Variants in LUZP1 observed in about 807,000 individuals in gnomAD.
The protein encoded by LUZP1 is leucine zipper protein 1.
In LUZP1, 25 loss-of-function variants were observed where a neutral mutation model predicts 71.3. That is an observed-to-expected ratio of 0.35 (90% CI 0.26 to 0.49). LUZP1 has a LOEUF of 0.49. LUZP1 is among the 20% of genes least tolerant of loss of function. The pLI is 0.99. For missense variants in LUZP1, 1,142 were observed against 1,300.8 expected (o/e 0.88, Z 1.88); for synonymous variants, 481 against 506.4 (o/e 0.95, Z 0.67).
chr1:23,093,386 G>C lies in LUZP1; in HGVS notation c.876C>G (p.Asn292Lys). The C allele has an allele frequency of 6.2e-7, 1 of 1,613,762 alleles. No homozygotes were observed. Among genetic ancestry groups the C allele is most frequent in the South Asian group, 1.1e-5 (1 of 90,964 alleles). ...GTGTCTTAAGTTTCTCAATCTCTTG[G>C]TTAAGGTCTTTGACTTTGTTGTCTT... is the stretch of plus-strand genomic sequence containing the variant. The change falls in exon 4 of 5, where the codon AAC becomes AAG. Residue 292 changes from asparagine to lysine, a missense_variant. Asn to Lys is a moderately conservative substitution (Grantham distance 94, BLOSUM62 0). Coordinates refer to ENST00000302291, the Ensembl canonical transcript of LUZP1. The surrounding 1 kb of genome is among the most constrained non-coding windows in gnomAD (Gnocchi z 4.2).
intron 2 of LUZP1, among the ~76,000 whole-genome samples, chr1:23,139,019 A>AAAAAAAAAATATATAT (rs1317355746): frequency 1.7e-5 from 1 of 59,962 alleles, no homozygotes; most frequent in Non-Finnish European, 2.7e-5. Context: ...AAAAAAAAAA[A>AAAAAAAAAATATATAT]ATATATATAT....
At chr1:23,153,674 T>C (rs1374894381) in intron 2 of LUZP1, among the ~76,000 whole-genome samples, 1 of 152,234 alleles carries the variant, frequency 6.6e-6, no homozygotes, top group East Asian at 1.9e-4. Context: ...TTTGTTTTGT[T>C]TTGTTTTGTT....
chr1:23,099,334 T>C (rs373535758), intron 3 of LUZP1, among the ~76,000 whole-genome samples: 22 of 152,176 alleles, frequency 1.4e-4, no homozygotes, highest in South Asian at 6.2e-4. Flanking sequence ...ATCGTAGTCA[T>C]TGGAAGACAA....
rs370104039 is a variant in LUZP1 at position 23,147,500 on chromosome 1, G to T, written c.-226+21266C>A. 2.7e-5 allele frequency among the ~76,000 whole-genome samples: 4 copies of T among 150,380 alleles called. No individual in the cohort carries two copies. In the South Asian group the frequency reaches 8.4e-4, roughly 32 times the overall value. On this transcript the variant is annotated intron_variant, in intron 2 of 4. Coordinates refer to ENST00000302291, the Ensembl canonical transcript of LUZP1. ...CTTTAAGAAAGTTGGCCAAAGCCAG[G>T]TGCTCACACCTGTAAACCAAGCAAG...
rs115291781 is a variant in LUZP1, at chr1:23,116,600, A to G, written c.-225-7473T>C. On this transcript the variant is annotated intron_variant, in intron 2 of 4. Transcript: ENST00000302291. ...CTGGACTGTTAAAAAAAAAAAAGGC[A>G]AAGAGAAGAAAAAAGAGAAAAGAAA... 4.7e-3 allele frequency among the ~76,000 whole-genome samples: 712 copies of G among 151,524 alleles called. 1 individual carries two copies. Among genetic ancestry groups the G allele is most frequent in the Non-Finnish European group, 7.5e-3 (507 of 67,950 alleles).
rs1468414898 is a variant in LUZP1 at position 23,093,867 on chromosome 1, T to C, written c.395A>G (p.Asn132Ser). 6.2e-7 allele frequency: 1 copy of C among 1,614,134 alleles called. No homozygotes were observed. The highest frequency in any genetic ancestry group is 1.1e-5 in the South Asian group (1 of 91,074). The change falls in exon 4 of 5, where the codon AAT (asparagine) becomes AGT (serine). Residue 132 changes from asparagine to serine, a missense_variant. Physicochemically the swap from Asn to Ser is conservative, Grantham distance 46. Transcript: ENST00000302291. This position sits in a 1 kb window ranked among gnomAD's most constrained non-coding sequence, Gnocchi z 4.2. ...GCTCAGACACAGCTGGGTACAGTCATTCTTACTCCTGCTGAAGGCCTCTTC... is the reference window on the plus strand; with the variant it reads ...GCTCAGACACAGCTGGGTACAGTCACTCTTACTCCTGCTGAAGGCCTCTTC...
At chr1:23,173,293 T>C (rs928176120) in intron 1 of LUZP1, among the ~76,000 whole-genome samples, 1 of 113,264 alleles carries the variant, frequency 8.8e-6, no homozygotes, top group African/African-American at 3.9e-5. Flanking sequence ...CTAGAGAACC[T>C]TCAGTTTTTT....
chr1:23,104,310 G>A (rs1290987198), intron 3 of LUZP1, among the ~76,000 whole-genome samples: 3 of 151,526 alleles, frequency 2.0e-5, no homozygotes, highest in Non-Finnish European at 2.9e-5. Flanking sequence ...TCAGCCTCCC[G>A]AGTAGCTGGG....
At chr1:23,132,016 A>T (rs749568035) in intron 2 of LUZP1, among the ~76,000 whole-genome samples, 1 of 152,068 alleles carries the variant, frequency 6.6e-6, no homozygotes, top group Non-Finnish European at 1.5e-5. Flanking sequence ...TTTTATTTTC[A>T]TGGAGACAGA....
intron 3 of LUZP1, among the ~76,000 whole-genome samples, chr1:23,103,904 GGGGA>G (rs1557641438): frequency 5.9e-5 from 2 of 33,810 alleles, no homozygotes; most frequent in African/African-American, 1.2e-4. Context: ...GGGAGGGAGG[GGGGA>G]AGGAGGGAGG....
At chr1:23,167,616 TC>T (rs1644520176) in intron 2 of LUZP1, among the ~76,000 whole-genome samples, 4 of 152,002 alleles carry the variant, frequency 2.6e-5, no homozygotes. Context: ...CACAACAAGC[TC>T]TGCAGTGTTA....
chr1:23,123,416 C>T (rs888713583), intron 2 of LUZP1, among the ~76,000 whole-genome samples: 4 of 150,104 alleles, frequency 2.7e-5, no homozygotes, highest in South Asian at 2.1e-4. Flanking sequence ...CACTTGAACC[C>T]GGGAGGCGGA....
chr1:23,084,358 C>T (rs1431166366), exon 5 of LUZP1: 3 of 152,130 alleles, frequency 2.0e-5, no homozygotes, highest in Non-Finnish European at 4.4e-5. Context: ...TTCCTCCATC[C>T]TCAGAGCACA....
At position 23,175,365 on chromosome 1, in the gene LUZP1, G is replaced by A. The variant is rs549476529; in HGVS notation, c.-485+2126C>T. 5.3e-5 allele frequency among the ~76,000 whole-genome samples: 8 copies of A among 152,296 alleles called. No individual in the cohort carries two copies. In the South Asian group the frequency reaches 1.7e-3, roughly 32 times the overall value. On this transcript the variant is annotated intron_variant, in intron 1 of 4. Coordinates refer to ENST00000302291, the Ensembl canonical transcript of LUZP1. ...TACCCACCTATTTCATGTAAGCTAAGTGCTTTGTAAATCGTAACACATAAT... is the reference window on the plus strand; with the variant it reads ...TACCCACCTATTTCATGTAAGCTAAATGCTTTGTAAATCGTAACACATAAT...
At chr1:23,174,989 A>C (rs193245515) in intron 1 of LUZP1, among the ~76,000 whole-genome samples, 7 of 152,268 alleles carry the variant, frequency 4.6e-5, no homozygotes, top group Non-Finnish European at 1.0e-4. Flanking sequence ...CTTTATTCTG[A>C]ACCAAGAATC....
exon 4 of LUZP1, chr1:23,092,860 T>C (rs547460294): frequency 6.2e-7 from 1 of 1,613,878 alleles, no homozygotes; most frequent in South Asian, 1.1e-5. Context: ...GGCTGCTCCC[T>C]AGACTTCTTC....
chr1:23,150,655 C>T (rs1644376529), intron 2 of LUZP1, among the ~76,000 whole-genome samples: 1 of 152,034 alleles, frequency 6.6e-6, no homozygotes, highest in African/African-American at 2.4e-5. Flanking sequence ...TAACTTTTTA[C>T]CAACAGTGAA....
At chr1:23,158,596 G>A (rs1008049360) in intron 2 of LUZP1, among the ~76,000 whole-genome samples, 2 of 141,852 alleles carry the variant, frequency 1.4e-5, no homozygotes, top group East Asian at 2.1e-4. Flanking sequence ...GCAGTGAGCC[G>A]AGATCGTGCC....
chr1:23,142,700 TAC>T (rs60316911), intron 2 of LUZP1, among the ~76,000 whole-genome samples: 13,416 of 103,204 alleles, frequency 0.13, 773 homozygotes, highest in East Asian at 0.19. Context: ...TATATATATA[TAC>T]ACACACACAC....
Sources: allele counts gnomAD v4.1 joint callset (sites outside exome capture counted in the v4.1 genomes callset), GRCh38; gene constraint gnomAD v4.1.1; non-coding constraint Gnocchi (gnomAD v3.1); transcripts MANE v1.5; gene names NCBI Gene and HGNC (gene_info 2026-07-23, HGNC 2026-07-21).